KLRG1: variants seen among roughly 807,000 people sequenced by gnomAD.
KLRG1 encodes killer cell lectin like receptor G1, also known as killer cell lectin-like receptor subfamily G member 1.
Under a neutral mutation model 21.8 loss-of-function variants are expected in KLRG1, and 16 were observed. The observed-to-expected ratio is 0.73, with a 90% confidence interval of 0.50 to 1.11. KLRG1 has a LOEUF of 1.11. Among genes scored for constraint, KLRG1 ranks in the 50% most tolerant of loss-of-function variants. KLRG1 has a pLI of 0.00. For missense variants in KLRG1, 173 were observed against 218.3 expected, an observed-to-expected ratio of 0.79 and a Z score of 1.31; for synonymous variants, 69 against 75.9, an observed-to-expected ratio of 0.91 and a Z score of 0.47.
At chr12:9,030,328 C>T in the KLRG1 span, among the ~76,000 whole-genome samples, 1 of 152,210 alleles carries the variant, frequency 6.6e-6, no homozygotes, top group Non-Finnish European at 1.5e-5. Context: ...TCACTTTAAC[C>T]ATTTTCAAGT....
chr12:8,953,057 C>A (rs770313817), intron 1 of KLRG1, among the ~76,000 whole-genome samples: 2 of 143,498 alleles, frequency 1.4e-5, no homozygotes, highest in African/African-American at 5.2e-5. Context: ...ACCCCCCCCC[C>A]GCAAAACCCC....
chr12:9,030,597 G>T, the KLRG1 span, among the ~76,000 whole-genome samples: 1 of 151,996 alleles, frequency 6.6e-6, no homozygotes. Flanking sequence ...TAGTAGAGAC[G>T]GGGTTTCACT....
the KLRG1 span, chr12:9,159,893 G>T: frequency 7.3e-6 from 11 of 1,497,294 alleles, no homozygotes; most frequent in Non-Finnish European, 9.3e-6. Context: ...CTATGTGCAC[G>T]TTCTGAACTC....
At chr12:9,157,924 A>G in the KLRG1 span, 4 of 1,119,724 alleles carry the variant, frequency 3.6e-6, no homozygotes. Flanking sequence ...AACGCTCCTC[A>G]GTATCTGTTT....
At chr12:9,168,759 T>A in the KLRG1 span, 2 of 795,252 alleles carry the variant, frequency 2.5e-6, no homozygotes, top group South Asian at 3.5e-5. Flanking sequence ...GAATCTTGGT[T>A]TCTTTGTGTG....
the KLRG1 span, among the ~76,000 whole-genome samples, chr12:9,213,138 A>G: frequency 6.6e-6 from 1 of 152,200 alleles, no homozygotes; most frequent in African/African-American, 2.4e-5. Flanking sequence ...TAGCATATAT[A>G]TAGTACTTCA....
the KLRG1 span, chr12:9,150,551 T>G: frequency 1.2e-6 from 1 of 826,362 alleles, no homozygotes; most frequent in Non-Finnish European, 2.0e-6. Context: ...AAAAGATTAA[T>G]GTTGACTAAG....
the KLRG1 span, among the ~76,000 whole-genome samples, chr12:9,052,088 T>C: frequency 6.6e-6 from 1 of 152,204 alleles, no homozygotes; most frequent in African/African-American, 2.4e-5. Flanking sequence ...GTGCCTTATA[T>C]AAGAGCGTCT....
At chr12:9,008,177 C>T (rs1004583878) in intron 3 of KLRG1, among the ~76,000 whole-genome samples, 1 of 152,034 alleles carries the variant, frequency 6.6e-6, no homozygotes. Flanking sequence ...GGGAAAAAAA[C>T]AAGAATATTG....
chr12:9,164,870 A>G, the KLRG1 span, among the ~76,000 whole-genome samples: 1 of 152,242 alleles, frequency 6.6e-6, no homozygotes, highest in Non-Finnish European at 1.5e-5. Flanking sequence ...TTCCTGGCAT[A>G]TAACCTAACT....
At chr12:9,075,996 A>T in the KLRG1 span, among the ~76,000 whole-genome samples, 1 of 152,194 alleles carries the variant, frequency 6.6e-6, no homozygotes, top group Non-Finnish European at 1.5e-5. Flanking sequence ...TTTAATGGAC[A>T]TCTTGTGATT....
At chr12:9,200,762 A>G in the KLRG1 span, 13 of 972,226 alleles carry the variant, frequency 1.3e-5, no homozygotes, top group African/African-American at 1.5e-4. Context: ...CACCGTCCTA[A>G]TGGTCTTAGA....
the KLRG1 span, chr12:9,077,047 G>T: frequency 7.5e-6 from 7 of 933,114 alleles, no homozygotes; most frequent in Admixed American, 1.3e-4. Context: ...TTTTTCCAAC[G>T]ATTCCTCATT....
At chr12:9,081,719 G>C in the KLRG1 span, among the ~76,000 whole-genome samples, 7 of 152,178 alleles carry the variant, frequency 4.6e-5, no homozygotes, top group Admixed American at 3.3e-4. Flanking sequence ...GCGGGGAAGA[G>C]AACCAGGGGT....
chr12:9,203,214 G>A, the KLRG1 span, among the ~76,000 whole-genome samples: 1 of 152,036 alleles, frequency 6.6e-6, no homozygotes, highest in East Asian at 1.9e-4. Context: ...GTGGGCAATA[G>A]GATTATTATT....
the KLRG1 span, chr12:9,165,197 C>T: frequency 1.4e-5 from 23 of 1,614,006 alleles, no homozygotes; most frequent in East Asian, 4.5e-5. Flanking sequence ...GACCTCTCCA[C>T]GAATCACAGA....
the KLRG1 span, chr12:9,152,894 C>T: frequency 6.2e-7 from 1 of 1,614,100 alleles, no homozygotes; most frequent in Non-Finnish European, 8.5e-7. Context: ...ACAGTCTGCA[C>T]TTTTAAAGCA....
At chr12:9,098,536 T>C in the KLRG1 span, 3 of 1,507,532 alleles carry the variant, frequency 2.0e-6, no homozygotes, top group Admixed American at 2.0e-5. Context: ...ATCCTACTTA[T>C]CCAGTCATTT....
At chr12:9,104,376 C>T in the KLRG1 span, 534 of 1,595,906 alleles carry the variant, frequency 3.3e-4, no homozygotes, top group Middle Eastern at 5.1e-3. Context: ...GGTATAGGGA[C>T]GCCTTTCCCA....
Sources: allele counts gnomAD v4.1 joint callset (sites outside exome capture counted in the v4.1 genomes callset), GRCh38; gene constraint gnomAD v4.1.1; transcripts MANE v1.5; gene names NCBI Gene and HGNC (gene_info 2026-07-23, HGNC 2026-07-21).